Variants in GSE1 observed in about 807,000 individuals in gnomAD.
The protein encoded by GSE1 is genetic suppressor element 1.
In GSE1, 32 loss-of-function variants were observed where a neutral mutation model predicts 112.6. That is an observed-to-expected ratio of 0.28 (90% confidence interval 0.21 to 0.38). The LOEUF (loss-of-function observed/expected upper bound fraction) is 0.38. Ranked by LOEUF, GSE1 falls within the 10% of genes least tolerant of loss-of-function variation. The pLI, the probability that GSE1 is intolerant of heterozygous loss-of-function variation, is 1.00. For missense variants in GSE1, 2,348 were observed against 1,699.2 expected (o/e 1.38, Z -6.71); for synonymous variants, 1,115 against 735.6 (o/e 1.52, Z -8.35).
intron 1 of GSE1, among the ~76,000 whole-genome samples, chr16:85,294,190 T>C (rs1250108298): frequency 6.6e-6 from 1 of 152,130 alleles, no homozygotes; most frequent in Non-Finnish European, 1.5e-5. Context: ...TCTGCCTCCT[T>C]CCCTCCACCC....
At chr16:85,667,907 G>C (rs1183477992) in intron 13 of GSE1, among the ~76,000 whole-genome samples, 1 of 134,014 alleles carries the variant, frequency 7.5e-6, no homozygotes, top group Non-Finnish European at 1.7e-5. Flanking sequence ...AATGGTCCAC[G>C]TACCAGAATC....
intron 2 of GSE1, among the ~76,000 whole-genome samples, chr16:85,495,844 C>G (rs976493601): frequency 3.3e-5 from 5 of 152,130 alleles, no homozygotes; most frequent in African/African-American, 1.2e-4. Context: ...AAGGCCTAAT[C>G]AAGGCCTCCA....
intron 2 of GSE1, among the ~76,000 whole-genome samples, chr16:85,389,564 G>C (rs1477671504): frequency 6.6e-6 from 1 of 151,976 alleles, no homozygotes; most frequent in Non-Finnish European, 1.5e-5. Flanking sequence ...TGCAAACCAG[G>C]ATGTGCAAAG....
chr16:85,418,411 C>T (rs375681181), intron 2 of GSE1, among the ~76,000 whole-genome samples: 28 of 152,334 alleles, frequency 1.8e-4, no homozygotes, highest in Non-Finnish European at 2.5e-4. Context: ...CTGCTTGTCT[C>T]GTCTACTGCT....
chr16:85,347,351 C>T (rs771122661), intron 1 of GSE1, among the ~76,000 whole-genome samples: 7 of 152,158 alleles, frequency 4.6e-5, no homozygotes, highest in East Asian at 1.9e-4. Flanking sequence ...CATCTTGGGG[C>T]GCTGGCCTCT....
chr16:85,627,458 G>A (rs1313546360), intron 1 of GSE1, among the ~76,000 whole-genome samples: 1 of 151,994 alleles, frequency 6.6e-6, no homozygotes, highest in East Asian at 1.9e-4. Flanking sequence ...GGGCCGAGGG[G>A]CCTTTAGGTG....
chr16:85,426,696 G>A (rs72815916), intron 2 of GSE1, among the ~76,000 whole-genome samples: 17 of 91,970 alleles, frequency 1.8e-4, no homozygotes, highest in East Asian at 1.1e-3. Context: ...ATGGGTAGAT[G>A]GGTGGGTGGA....
intron 1 of GSE1, among the ~76,000 whole-genome samples, chr16:85,558,835 G>A (rs541994748): frequency 2.6e-5 from 4 of 152,304 alleles, no homozygotes; most frequent in African/African-American, 7.2e-5. Flanking sequence ...AACGCATTGA[G>A]AGTGATGGAA....
Position 85,673,765 on chromosome 16 carries a change from C to G in GSE1, c.*1226C>G, listed in dbSNP as rs545175946. The G allele has an allele frequency of 1.1e-3, 164 of 152,236 alleles. No homozygotes were observed. The highest frequency in any genetic ancestry group is 3.9e-3 in the African/African-American group (161 of 41,534). 9.4% of individuals were successfully genotyped at this position (152,236 alleles called of 1,614,324 possible). A position where few individuals can be genotyped will look rare whatever the true frequency, so the allele number is the denominator to read the frequency against. ...GGGAGGAGGGGGTAGTCTGTAGAAC[C>G]CATGTGTGACAGTCATGTGCACACA... is the stretch of plus-strand genomic sequence containing the variant. On this transcript the variant is annotated 3_prime_UTR_variant, in exon 16 of 16. Coordinates refer to ENST00000253458, the MANE Select transcript of GSE1 (RefSeq NM_014615.5).
intron 1 of GSE1, among the ~76,000 whole-genome samples, chr16:85,212,385 G>A (rs1336180471): frequency 6.6e-6 from 1 of 152,042 alleles, no homozygotes; most frequent in Non-Finnish European, 1.5e-5. Context: ...CAACCTGGGT[G>A]ACAGAGCAAG....
chr16:85,463,887 C>T (rs1019551929), intron 2 of GSE1, among the ~76,000 whole-genome samples: 1 of 152,098 alleles, frequency 6.6e-6, no homozygotes, highest in Non-Finnish European at 1.5e-5. Context: ...GGCTGAGGGG[C>T]GGCCAGAGTG....
chr16:85,192,246 G>A (rs2074838539), intron 1 of GSE1, among the ~76,000 whole-genome samples: 1 of 152,230 alleles, frequency 6.6e-6, no homozygotes, highest in South Asian at 2.1e-4. Context: ...TTCCACTGTA[G>A]AGCAAGATGC....
intron 2 of GSE1, among the ~76,000 whole-genome samples, chr16:85,517,976 C>T (rs2052009639): frequency 6.6e-6 from 1 of 152,366 alleles, no homozygotes; most frequent in East Asian, 1.9e-4. Flanking sequence ...AGGATGTGTG[C>T]TTTGTCAGGG....
chr16:85,337,207 A>C (rs1457222738), intron 1 of GSE1, among the ~76,000 whole-genome samples: 1 of 151,704 alleles, frequency 6.6e-6, no homozygotes, highest in Non-Finnish European at 1.5e-5. Context: ...CTCAAAGCTC[A>C]TGCTACCCTT....
chr16:85,636,233 G>A (rs182183097), intron 2 of GSE1, among the ~76,000 whole-genome samples: 10 of 152,326 alleles, frequency 6.6e-5, no homozygotes, highest in East Asian at 1.9e-4. Context: ...TCGGGAGAGC[G>A]GGCGAGCAGT....
rs1404910133 is a variant in GSE1 at position 85,347,674 on chromosome 16, TC to T, written c.2284-9787del. ...TCATCCATATAATGGGACACACAGTTCCTGCCTCACTGAGTTGTTTAAGGCT... is the reference window on the plus strand; with the variant it reads ...TCATCCATATAATGGGACACACAGTTCTGCCTCACTGAGTTGTTTAAGGCT... On this transcript the variant is annotated intron_variant, in intron 1 of 2. Coordinates refer to the GSE1 transcript ENST00000637419. Among the ~76,000 whole-genome samples, 3 of 151,826 alleles carry T rather than the reference TC, an allele frequency of 2.0e-5. No homozygotes were observed. The East Asian group carries it at 5.8e-4, about 29-fold the overall frequency.
chr16:85,281,297 G>A (rs974164790), intron 1 of GSE1, among the ~76,000 whole-genome samples: 5 of 151,902 alleles, frequency 3.3e-5, no homozygotes, highest in South Asian at 4.2e-4. Context: ...GGCAGGTGAC[G>A]GCTCCTCTGA....
At chr16:85,572,679 C>T (rs1221058903) in intron 1 of GSE1, among the ~76,000 whole-genome samples, 3 of 152,194 alleles carry the variant, frequency 2.0e-5, no homozygotes, top group African/African-American at 7.2e-5. Flanking sequence ...GCTCCGGAAC[C>T]CAGTTCTCCT....
At chr16:85,273,569 T>C (rs1020078282) in intron 1 of GSE1, among the ~76,000 whole-genome samples, 7 of 152,160 alleles carry the variant, frequency 4.6e-5, no homozygotes, top group Non-Finnish European at 8.8e-5. Flanking sequence ...GGCCACAGTG[T>C]ATGAGTCCAT....
Sources: allele counts gnomAD v4.1 joint callset (sites outside exome capture counted in the v4.1 genomes callset), GRCh38; gene constraint gnomAD v4.1.1; transcripts MANE v1.5; gene names NCBI Gene and HGNC (gene_info 2026-07-23, HGNC 2026-07-21).